The following SOX30 variants were observed in gnomAD, a reference collection of about 807,000 sequenced individuals.
SOX30 encodes transcription factor SOX-30.
SOX30 carries 17 observed loss-of-function variants against 58.6 expected under a neutral mutation model. The observed-to-expected ratio is 0.29, with a 90% CI of 0.20 to 0.44. The LOEUF (loss-of-function observed/expected upper bound fraction) is 0.44, where lower values mean the gene tolerates loss of function less well. Among genes scored for constraint, SOX30 ranks in the 20% least tolerant of loss-of-function variants. SOX30 has a pLI of 1.00. For missense variants in SOX30, 951 were observed against 965.8 expected (o/e 0.98, Z 0.20); for synonymous variants, 421 against 400.2 (o/e 1.05, Z -0.62).
At chr5:157,649,355 CTT>C (rs2113848227) in intron 1 of SOX30, among the ~76,000 whole-genome samples, 1 of 152,300 alleles carries the variant, frequency 6.6e-6, no homozygotes, top group East Asian at 1.9e-4. Flanking sequence ...ACATGCTGCT[CTT>C]GTGTCCTTTC....
intron 2 of SOX30, among the ~76,000 whole-genome samples, chr5:157,667,579 C>A (rs1759696006): frequency 6.6e-6 from 1 of 152,046 alleles, no homozygotes; most frequent in Non-Finnish European, 1.5e-5. Context: ...TCTAAAAATA[C>A]AAAAATTAGC....
At chr5:157,666,273 A>T (rs1435988146) in intron 2 of SOX30, among the ~76,000 whole-genome samples, 1 of 151,716 alleles carries the variant, frequency 6.6e-6, no homozygotes, top group African/African-American at 2.4e-5. Flanking sequence ...TCCCACCTCC[A>T]CCTCAGCCTC....
intron 1 of SOX30, among the ~76,000 whole-genome samples, chr5:157,669,892 G>T (rs6864325): frequency 0.6 from 91,900 of 151,930 alleles, 29,922 homozygotes; most frequent in African/African-American, 0.86. Flanking sequence ...CTAAAGAGAA[G>T]AGCCAAAGAT....
intron 2 of SOX30, among the ~76,000 whole-genome samples, chr5:157,663,615 G>C (rs370964223): frequency 0.012 from 1,860 of 152,258 alleles, 20 homozygotes; most frequent in South Asian, 0.05. Flanking sequence ...CAATCAGGCA[G>C]AAGAAAGAAA....
chr5:157,656,718 T>G (rs1009912526), upstream of SOX30, among the ~76,000 whole-genome samples: 4 of 152,234 alleles, frequency 2.6e-5, no homozygotes, highest in African/African-American at 9.6e-5. Flanking sequence ...GTGTTTTTGG[T>G]AAAAGATCAT....
chr5:157,630,680 C>A (rs1758768239), intron 4 of SOX30, among the ~76,000 whole-genome samples: 1 of 151,296 alleles, frequency 6.6e-6, no homozygotes, highest in Non-Finnish European at 1.5e-5. Flanking sequence ...AAATACTTAG[C>A]CAGGCTATTT....
chr5:157,651,869 C>G lies in SOX30; in HGVS notation c.210G>C (p.Leu70=). 1 of 1,558,778 alleles carries G rather than the reference C, an allele frequency of 6.4e-7. No homozygotes were observed. The highest frequency in any genetic ancestry group is 8.6e-7 in the Non-Finnish European group (1 of 1,157,554). ...ASGLQPAVRR[L]LQVKPEQVLL... ...ACACCTGCTCTGGCTTCACCTGCAG[C>G]AGCCGCCGCACCGCGGGCTGTAAGC... Residue 70 remains leucine (L), a synonymous_variant, in exon 1 of 5, where the codon CTG becomes CTC. Coordinates refer to ENST00000265007, the MANE Select transcript of SOX30 (RefSeq NM_178424.2).
At chr5:157,663,597 G>A (rs1405898114) in intron 2 of SOX30, among the ~76,000 whole-genome samples, 4 of 152,094 alleles carry the variant, frequency 2.6e-5, no homozygotes, top group Non-Finnish European at 5.9e-5. Flanking sequence ...TGGAAGTTCT[G>A]GCCAGGGCAA....
intron 2 of SOX30, among the ~76,000 whole-genome samples, chr5:157,663,964 A>G (rs527547909): frequency 1.3e-5 from 2 of 152,272 alleles, no homozygotes; most frequent in Admixed American, 6.5e-5. Flanking sequence ...AAAAAAAATG[A>G]AAGAACATTC....
At chr5:157,627,488 T>C (rs1250191069) in intron 4 of SOX30, among the ~76,000 whole-genome samples, 1 of 152,110 alleles carries the variant, frequency 6.6e-6, no homozygotes, top group African/African-American at 2.4e-5. Context: ...TATAACTAGA[T>C]TGAAATCAAG....
chr5:157,650,231 CCTTT>C (rs1339447685), intron 1 of SOX30, among the ~76,000 whole-genome samples: 1 of 151,668 alleles, frequency 6.6e-6, no homozygotes, highest in Non-Finnish European at 1.5e-5. Flanking sequence ...GAAAGCTTTC[CCTTT>C]CTTTCCTTTA....
chr5:157,643,354 A>C (rs1416050141), intron 3 of SOX30, among the ~76,000 whole-genome samples: 2 of 152,200 alleles, frequency 1.3e-5, no homozygotes, highest in Admixed American at 1.3e-4. Context: ...CCGGAGGTGG[A>C]GGTTGCAGTG....
Position 157,630,838 on chromosome 5 carries a change from T to C in SOX30, c.1881-4117A>G, listed in dbSNP as rs528882857. The stretch of plus-strand genomic sequence containing the variant: ...CTTCTGGATTTCCCATTTATATATA[T>C]ACATTATATATATATTATATATTTT... On this transcript the variant is annotated intron_variant, in intron 4 of 4. Coordinates refer to ENST00000265007, the MANE Select transcript of SOX30 (RefSeq NM_178424.2). Among the ~76,000 whole-genome samples the C allele has an allele frequency of 8.3e-3, 1,124 of 135,996 alleles. 20 individuals carry two copies. The highest frequency in any genetic ancestry group is 0.031 in the African/African-American group (1,081 of 34,982). 89.2% of individuals were successfully genotyped at this position (135,996 alleles called of 152,430 possible).
intron 2 of SOX30, among the ~76,000 whole-genome samples, chr5:157,663,645 A>G (rs1256083750): frequency 6.6e-6 from 1 of 152,222 alleles, no homozygotes; most frequent in Non-Finnish European, 1.5e-5. Context: ...TTCAATTAGG[A>G]AAAGAGGAAG....
chr5:157,651,285 T>G lies in SOX30; in HGVS notation c.794A>C (p.His265Pro), dbSNP rs146552384. The change falls in exon 1 of 5, where the codon CAC (histidine) becomes CCC (proline). Residue 265 changes from histidine to proline, a missense_variant. His to Pro is a moderately conservative substitution (Grantham distance 77, BLOSUM62 -2). Transcript: ENST00000265007. Reference protein sequence around the residue: ...QQDLRIPLTLHTVPPGARIQF... With the variant: ...QQDLRIPLTLPTVPPGARIQF... Reference sequence around the variant, plus strand: ...GATCCGGGCCCCAGGGGGGACCGTGTGGAGCGTCAAAGGGATCCTAAGGTC... The same window carrying G: ...GATCCGGGCCCCAGGGGGGACCGTGGGGAGCGTCAAAGGGATCCTAAGGTC... The G allele has an allele frequency of 6.2e-7, 1 of 1,613,986 alleles. No homozygotes were observed. Among genetic ancestry groups the G allele is most frequent in the African/African-American group, 1.3e-5 (1 of 74,932 alleles).
At chr5:157,637,750 T>C (rs966241516) in intron 4 of SOX30, among the ~76,000 whole-genome samples, 2 of 151,974 alleles carry the variant, frequency 1.3e-5, no homozygotes, top group Non-Finnish European at 2.9e-5. Context: ...TGCAGTGAAG[T>C]TGGTGTGATC....
Position 157,625,848 on chromosome 5 carries a change from G to GT in SOX30, c.*491dup. Reference sequence around the variant, plus strand: ...TTGGAACTTATAATTGGTTATTAGTGTAAGTTAAATTTAGCAACCAAGTCC... The same window carrying GT: ...TTGGAACTTATAATTGGTTATTAGTGTTAAGTTAAATTTAGCAACCAAGTCC... On this transcript the variant is annotated 3_prime_UTR_variant, in exon 5 of 5. Coordinates refer to ENST00000265007, the MANE Select transcript of SOX30 (RefSeq NM_178424.2). The GT allele has an allele frequency of 6.5e-6, 1 of 152,862 alleles. No homozygotes were observed. Among genetic ancestry groups the GT allele is most frequent in the East Asian group, 1.9e-4 (1 of 5,196 alleles). 9.5% of individuals were successfully genotyped at this position (152,862 alleles called of 1,614,324 possible).
chr5:157,651,616 C>T lies in SOX30; in HGVS notation c.463G>A (p.Ala155Thr), dbSNP rs763399249. ...GAGGCTCTAGGACCGGTTTCGACGG[C>T]CCCTCGAGGCCCCACTGACTGATCC... is the stretch of plus-strand genomic sequence containing the variant. ...SLDQSVGPRG[A>T]VETGPRASRV... Residue 155 changes from alanine to threonine, a missense_variant, in exon 1 of 5, where the codon GCC (alanine) becomes ACC (threonine). Ala to Thr is a moderately conservative substitution (Grantham distance 58). Transcript: ENST00000265007. 1 of 1,612,760 alleles carries T rather than the reference C, an allele frequency of 6.2e-7. No individual in the cohort carries two copies. The highest frequency in any genetic ancestry group is 1.1e-5 in the South Asian group (1 of 91,086).
intron 4 of SOX30, among the ~76,000 whole-genome samples, chr5:157,636,588 C>G (rs1231282216): frequency 6.6e-6 from 1 of 152,168 alleles, no homozygotes; most frequent in Non-Finnish European, 1.5e-5. Context: ...TTCCTTTCTC[C>G]TGATCTAATC....
Sources: allele counts gnomAD v4.1 joint callset (sites outside exome capture counted in the v4.1 genomes callset), GRCh38; gene constraint gnomAD v4.1.1; transcripts MANE v1.5; gene names NCBI Gene and HGNC (gene_info 2026-07-23, HGNC 2026-07-21).